The following CDC14B variants were observed in gnomAD, a reference collection of about 807,000 sequenced individuals.
The protein encoded by CDC14B is cell division cycle 14B.
A neutral mutation model predicts 64.2 loss-of-function variants in CDC14B; 22 were observed. That is an observed-to-expected ratio of 0.34 (90% CI 0.24 to 0.49). CDC14B has a LOEUF of 0.49. Among genes scored for constraint, CDC14B ranks in the 20% least tolerant of loss-of-function variants. The pLI is 0.99. For synonymous variants in CDC14B, 191 were observed against 215.8 expected, an observed-to-expected ratio of 0.89 and a Z score of 1.01; for missense variants, 498 against 629.9, an observed-to-expected ratio of 0.79 and a Z score of 2.24.
intron 4 of CDC14B, among the ~76,000 whole-genome samples, chr9:96,561,069 TG>T (rs1174114364): frequency 2.6e-5 from 4 of 152,232 alleles, no homozygotes; most frequent in Admixed American, 6.5e-5. Context: ...CCCGAGTAGC[TG>T]GGACTACAGG....
At chr9:96,596,369 A>T (rs1217429053) in intron 1 of CDC14B, among the ~76,000 whole-genome samples, 1 of 150,636 alleles carries the variant, frequency 6.6e-6, no homozygotes, top group Non-Finnish European at 1.5e-5. Context: ...CATCTCAAAA[A>T]AAAAAAAAAA....
rs192451013 is a variant in CDC14B, at chr9:96,591,909, C to T, written c.161-26426G>A. Reference sequence around the variant, plus strand: ...TACAGGCGCCCACCAACTCGCCCGGCTAATTTTTTGTATTTTTAGTAGAGA... The same window carrying T: ...TACAGGCGCCCACCAACTCGCCCGGTTAATTTTTTGTATTTTTAGTAGAGA... On this transcript the variant is annotated intron_variant, in intron 1 of 13. Transcript: ENST00000375241. 9.1e-3 allele frequency among the ~76,000 whole-genome samples: 1,389 copies of T among 152,106 alleles called. 8 individuals are homozygous for T. The highest frequency in any genetic ancestry group is 0.031 in the Middle Eastern group (9 of 294).
intron 4 of CDC14B, among the ~76,000 whole-genome samples, chr9:96,561,148 G>A (rs1378732105): frequency 6.6e-6 from 1 of 152,080 alleles, no homozygotes; most frequent in East Asian, 1.9e-4. Flanking sequence ...TGTTGGCCAG[G>A]CTGGTCTCGT....
At position 96,515,042 on chromosome 9, in the gene CDC14B, A is replaced by G. The variant is rs755819716; in HGVS notation, c.1344-5253T>C. 4 of 388,666 alleles carry G rather than the reference A, an allele frequency of 1.0e-5. No individual in the cohort carries two copies. Among genetic ancestry groups the G allele is most frequent in the Non-Finnish European group, 1.4e-5 (4 of 284,456 alleles). 24.1% of individuals were successfully genotyped at this position (388,666 alleles called of 1,614,324 possible). ...CAGCTCCGACCTCCTACTTTCATTT[A>G]GCATCAAGTGCTACACACTGTACTT... On this transcript the variant is annotated intron_variant, in intron 12 of 13. Transcript: ENST00000375241. The surrounding 1 kb of genome is among the most constrained non-coding windows in gnomAD (Gnocchi z 4.3).
At chr9:96,608,096 T>G (rs1055962691) in intron 1 of CDC14B, among the ~76,000 whole-genome samples, 2 of 152,252 alleles carry the variant, frequency 1.3e-5, no homozygotes, top group African/African-American at 4.8e-5. Context: ...GTACCTTGCC[T>G]GACCCAGTCT....
At chr9:96,584,503 A>G (rs1466871902) in intron 1 of CDC14B, among the ~76,000 whole-genome samples, 2 of 149,916 alleles carry the variant, frequency 1.3e-5, no homozygotes, top group Admixed American at 6.6e-5. Context: ...ATTCACTTTC[A>G]GCAGATAAGA....
chr9:96,579,358 C>A (rs1264795262), intron 1 of CDC14B, among the ~76,000 whole-genome samples: 2 of 151,782 alleles, frequency 1.3e-5, no homozygotes, highest in South Asian at 2.1e-4. Context: ...GAAGCCAAGG[C>A]GGGTAGATCA....
At position 96,507,081 on chromosome 9, in the gene CDC14B, G is replaced by A. The variant is rs1424938046; in HGVS notation, c.1460+2592C>T. The stretch of plus-strand genomic sequence containing the variant: ...GGCTGAGGCAGGTGGACCACTTGAG[G>A]TCAGGAGTTCAAGATCAGCCTGGCC... On this transcript the variant is annotated intron_variant, in intron 13 of 13. Transcript: ENST00000375241. 4.6e-5 allele frequency among the ~76,000 whole-genome samples: 7 copies of A among 152,206 alleles called. No homozygotes were observed. In the East Asian group the frequency reaches 1.3e-3, roughly 29 times the overall value.
intron 1 of CDC14B, among the ~76,000 whole-genome samples, chr9:96,616,409 T>C (rs776327831): frequency 1.3e-5 from 2 of 151,468 alleles, no homozygotes; most frequent in Non-Finnish European, 2.9e-5. Flanking sequence ...GGAAAAACAT[T>C]ACCAAGGGAG....
chr9:96,613,648 C>A (rs997862165), intron 1 of CDC14B, among the ~76,000 whole-genome samples: 1 of 152,106 alleles, frequency 6.6e-6, no homozygotes, highest in African/African-American at 2.4e-5. Context: ...ACATTACAGA[C>A]AAATTTAAGT....
intron 11 of CDC14B, 49 bp from the exon 12 acceptor site, chr9:96,522,652 A>C: frequency 8.6e-7 from 1 of 1,167,928 alleles, no homozygotes; most frequent in South Asian, 1.2e-5. Context: ...TGCACTTATT[A>C]ATGCAGTACA....
chr9:96,529,214 G>A (rs1838045470), intron 9 of CDC14B, among the ~76,000 whole-genome samples: 1 of 152,218 alleles, frequency 6.6e-6, no homozygotes, highest in East Asian at 1.9e-4. Flanking sequence ...ATAGTTTTAA[G>A]TCCTATATTT....
At chr9:96,610,649 CAAA>C (rs58120277) in intron 1 of CDC14B, among the ~76,000 whole-genome samples, 6 of 131,684 alleles carry the variant, frequency 4.6e-5, no homozygotes, top group African/African-American at 5.3e-5. Flanking sequence ...TAAATGACCA[CAAA>C]AAAAAAAAAA....
chr9:96,512,742 T>C (rs907665410), intron 12 of CDC14B, among the ~76,000 whole-genome samples: 5 of 152,226 alleles, frequency 3.3e-5, no homozygotes, highest in Non-Finnish European at 5.9e-5. Context: ...TGCTGCTTCA[T>C]TGCTACTTCT....
chr9:96,521,324 C>T (rs960966209), intron 12 of CDC14B, among the ~76,000 whole-genome samples: 7 of 152,108 alleles, frequency 4.6e-5, no homozygotes, highest in Non-Finnish European at 8.8e-5. Context: ...GGTGATCTGC[C>T]CACCTTGGCC....
chr9:96,545,992 A>G (rs1428937453), intron 5 of CDC14B, among the ~76,000 whole-genome samples: 1 of 152,202 alleles, frequency 6.6e-6, no homozygotes, highest in Non-Finnish European at 1.5e-5. Context: ...GTGGGGAGGG[A>G]TCCTTGTCAC....
intron 13 of CDC14B, among the ~76,000 whole-genome samples, chr9:96,504,403 C>T (rs2131260077): frequency 6.6e-6 from 1 of 152,220 alleles, no homozygotes; most frequent in Non-Finnish European, 1.5e-5. Context: ...AGAAAGCAAA[C>T]AAAACCAAAA....
At chr9:96,613,411 G>A (rs1181802738) in intron 1 of CDC14B, among the ~76,000 whole-genome samples, 1 of 152,164 alleles carries the variant, frequency 6.6e-6, no homozygotes, top group Admixed American at 6.6e-5. Flanking sequence ...GCAACTCCCT[G>A]GCATCAGTAC....
intron 4 of CDC14B, among the ~76,000 whole-genome samples, chr9:96,552,442 T>A (rs1841953352): frequency 6.6e-6 from 1 of 152,252 alleles, no homozygotes; most frequent in Admixed American, 6.5e-5. Context: ...ATACCTCAAG[T>A]ATATTCTTCA....
Sources: gnomAD v4.1 joint callset for allele counts (sites outside exome capture counted in the v4.1 genomes callset) on GRCh38, gnomAD v4.1.1 for gene constraint, Gnocchi (gnomAD v3.1) non-coding constraint, MANE v1.5 for transcripts, NCBI Gene and HGNC (gene_info 2026-07-23, HGNC 2026-07-21) for gene names.